The following ABHD6 variants were observed in gnomAD, a reference collection of about 807,000 sequenced individuals.
The protein encoded by ABHD6 is monoacylglycerol lipase ABHD6.
A neutral mutation model predicts 38.8 loss-of-function variants in ABHD6; 33 were observed. That is an observed-to-expected ratio of 0.85 (90% CI 0.64 to 1.14). The LOEUF (loss-of-function observed/expected upper bound fraction) is 1.14, where lower values mean the gene tolerates loss of function less well. Among genes scored for constraint, ABHD6 ranks in the 50% most tolerant of loss-of-function variants. The pLI, the probability that ABHD6 is intolerant of heterozygous loss-of-function variation, is 0.00. For missense variants in ABHD6, 380 were observed against 422.6 expected, an observed-to-expected ratio of 0.90 and a Z score of 0.88; for synonymous variants, 147 against 161.6, an observed-to-expected ratio of 0.91 and a Z score of 0.69.
rs1179353981 is a variant in ABHD6, at chr3:58,266,464, C to CAA, written c.120-715_120-714dup. ...AAAAAAAACCTGACCAAACAAACAA[C>CAA]AAAAAAAAAAACCTTATGTATGCTC... On this transcript the variant is annotated intron_variant, in intron 3 of 9. Coordinates refer to ENST00000478253, the MANE Select transcript of ABHD6 (RefSeq NM_001320126.2). The surrounding 1 kb of genome is among the most constrained non-coding windows in gnomAD (Gnocchi z 4.0). Among the ~76,000 whole-genome samples, 256 of 142,856 alleles carry CAA rather than the reference C, an allele frequency of 1.8e-3. No homozygotes were observed. The highest frequency in any genetic ancestry group is 6.1e-3 in the African/African-American group (240 of 39,138). The allele number at this position is 142,856 out of a possible 152,430, so 93.7% of individuals were successfully genotyped here.
intron 2 of ABHD6, among the ~76,000 whole-genome samples, chr3:58,252,327 C>T (rs748567711): frequency 6.7e-6 from 1 of 150,026 alleles, no homozygotes; most frequent in African/African-American, 2.5e-5. Context: ...AATCCTCCCA[C>T]CTGAGTCTCC....
At chr3:58,247,218 G>A (rs983948566) in intron 1 of ABHD6, among the ~76,000 whole-genome samples, 1 of 152,022 alleles carries the variant, frequency 6.6e-6, no homozygotes, top group Non-Finnish European at 1.5e-5. Context: ...GCCCAGGCTT[G>A]TCTCTAACTC....
At chr3:58,261,436 C>G (rs1238968974) in intron 3 of ABHD6, among the ~76,000 whole-genome samples, 1 of 152,130 alleles carries the variant, frequency 6.6e-6, no homozygotes, top group African/African-American at 2.4e-5. Context: ...TTAAGACCAG[C>G]CTAGGCTGCT....
rs764279902 is a variant in ABHD6, at chr3:58,285,103, G to A, written c.700G>A (p.Asp234Asn). The A allele has an allele frequency of 3.1e-6, 5 of 1,614,042 alleles. No homozygotes were observed. The highest frequency in any genetic ancestry group is 4.2e-6 in the Non-Finnish European group (5 of 1,180,030). ...TCCTTAGATCCTGCAAGGCCTTGTC[G>A]ATGTCCGCATCCCTCATAACAACTT... Reference protein sequence around the residue: ...VPQQILQGLVDVRIPHNNFYR... With the variant: ...VPQQILQGLVNVRIPHNNFYR... Residue 234 changes from aspartate (D) to asparagine (N), a missense_variant, in exon 8 of 10, where the codon GAT (aspartate) becomes AAT (asparagine). Transcript: ENST00000478253. This position sits in a 1 kb window ranked among gnomAD's most constrained non-coding sequence, Gnocchi z 4.9.
Position 58,263,044 on chromosome 3 carries a change from C to T in ABHD6, c.120-4145C>T, listed in dbSNP as rs1255903617. Reference sequence around the variant, plus strand: ...CCAACATGGTGAAACCCCATCTCTACTACAAATACGAAAATTAGCCAGGCG... The same window carrying T: ...CCAACATGGTGAAACCCCATCTCTATTACAAATACGAAAATTAGCCAGGCG... On this transcript the variant is annotated intron_variant, in intron 3 of 9. Transcript: ENST00000478253. This position sits in a 1 kb window ranked among gnomAD's most constrained non-coding sequence, Gnocchi z 4.9. Among the ~76,000 whole-genome samples the T allele has an allele frequency of 1.3e-5, 2 of 152,184 alleles. No homozygotes were observed. The highest frequency in any genetic ancestry group is 4.1e-4 in the South Asian group (2 of 4,830).
At chr3:58,254,506 G>A (rs529175782) in intron 2 of ABHD6, among the ~76,000 whole-genome samples, 2 of 152,300 alleles carry the variant, frequency 1.3e-5, no homozygotes, top group South Asian at 2.1e-4. Flanking sequence ...CTTAGTGGTC[G>A]AGAGGTTATA....
intron 3 of ABHD6, among the ~76,000 whole-genome samples, chr3:58,261,445 C>G (rs2097436888): frequency 1.3e-5 from 2 of 152,234 alleles, no homozygotes; most frequent in Non-Finnish European, 2.9e-5. Context: ...GCCTAGGCTG[C>G]TCACTGCAAC....
chr3:58,278,056 C>A (rs1455930640), intron 7 of ABHD6, among the ~76,000 whole-genome samples: 1 of 152,144 alleles, frequency 6.6e-6, no homozygotes, highest in East Asian at 1.9e-4. Flanking sequence ...GAATATTGGT[C>A]TAAAATTCTC....
intron 7 of ABHD6, among the ~76,000 whole-genome samples, chr3:58,275,172 T>C (rs1575526744): frequency 1.3e-5 from 2 of 151,936 alleles, no homozygotes; most frequent in Admixed American, 1.3e-4. Flanking sequence ...GGACAGCATA[T>C]GCAGAGGTGG....
chr3:58,276,806 A>G (rs949906588), intron 7 of ABHD6, among the ~76,000 whole-genome samples: 3 of 152,076 alleles, frequency 2.0e-5, no homozygotes, highest in African/African-American at 7.2e-5. Flanking sequence ...GTGTAAGGAA[A>G]GGATCCAGTT....
rs763105923 is a variant in ABHD6, at chr3:58,274,835, G to A, written c.681+20G>A. 24 of 1,611,210 alleles carry A rather than the reference G, an allele frequency of 1.5e-5. No homozygotes were observed. Among genetic ancestry groups the A allele is most frequent in the Non-Finnish European group, 2.0e-5 (23 of 1,178,380 alleles). ...CAGCAGGTAACGTGGTTGCAGCAGCGACACAACTACCCTCCCCAGAGGCCC... is the reference window on the plus strand; with the variant it reads ...CAGCAGGTAACGTGGTTGCAGCAGCAACACAACTACCCTCCCCAGAGGCCC... On this transcript the variant is annotated intron_variant, in intron 7 of 9. Transcript: ENST00000478253.
intron 1 of ABHD6, among the ~76,000 whole-genome samples, chr3:58,245,161 T>C (rs1240293485): frequency 6.6e-6 from 1 of 152,138 alleles, no homozygotes; most frequent in East Asian, 1.9e-4. Flanking sequence ...CAACTTCACC[T>C]CCTTTTTTTT....
Position 58,293,589 on chromosome 3 carries a change from G to T in ABHD6, c.838G>T (p.Val280Leu). The T allele has an allele frequency of 1.2e-6, 2 of 1,613,982 alleles. No homozygotes were observed. The highest frequency in any genetic ancestry group is 1.7e-6 in the Non-Finnish European group (2 of 1,179,896). Reference protein sequence around the residue: ...TQIIWGKQDQVLDVSGADMLA... With the variant: ...TQIIWGKQDQLLDVSGADMLA... ...TCCAGCTCCCTTTCTTGCCCAGCAGGTGCTGGATGTGTCTGGGGCAGACAT... is the reference window on the plus strand; with the variant it reads ...TCCAGCTCCCTTTCTTGCCCAGCAGTTGCTGGATGTGTCTGGGGCAGACAT... The change falls in exon 10 of 10, where the codon GTG becomes TTG. Residue 280 changes from valine (V) to leucine (L), a missense_variant and splice_region_variant. Val to Leu is a conservative substitution (Grantham distance 32, BLOSUM62 1). Coordinates refer to ENST00000478253, the MANE Select transcript of ABHD6 (RefSeq NM_001320126.2). The surrounding 1 kb of genome is among the most constrained non-coding windows in gnomAD (Gnocchi z 4.4).
chr3:58,274,883 C>T, intron 7 of ABHD6, 68 bp downstream of exon 7: 1 of 1,531,750 alleles, frequency 6.5e-7, no homozygotes, highest in Non-Finnish European at 8.9e-7. Context: ...CAGCTTCCTG[C>T]ACGTATTCCC....
chr3:58,283,809 G>A (rs1219059348), intron 7 of ABHD6, among the ~76,000 whole-genome samples: 1 of 152,158 alleles, frequency 6.6e-6, no homozygotes, highest in African/African-American at 2.4e-5. Flanking sequence ...GAGGATGGAT[G>A]GACACAAGAT....
intron 7 of ABHD6, among the ~76,000 whole-genome samples, chr3:58,277,792 C>T (rs1328151124): frequency 6.6e-6 from 1 of 152,066 alleles, no homozygotes; most frequent in African/African-American, 2.4e-5. Flanking sequence ...CCATGAATAC[C>T]TAGTTTATTG....
At position 58,256,732 on chromosome 3, in the gene ABHD6, T is replaced by C. The variant is rs554352133; in HGVS notation, c.119+27T>C. ...TAAGCCAGTTTTATCATTGATGTTT[T>C]CAAGAGTATCATAATATTGACATCT... On this transcript the variant is annotated intron_variant, in intron 3 of 9. Coordinates refer to ENST00000478253, the MANE Select transcript of ABHD6 (RefSeq NM_001320126.2). This position sits in a 1 kb window ranked among gnomAD's most constrained non-coding sequence, Gnocchi z 4.3. 1 of 1,519,516 alleles carries C rather than the reference T, an allele frequency of 6.6e-7. No homozygotes were observed. The highest frequency in any genetic ancestry group is 2.3e-5 in the East Asian group (1 of 44,328). The allele number at this position is 1,519,516 out of a possible 1,614,324, so 94.1% of individuals were successfully genotyped here. A position where few individuals can be genotyped will look rare whatever the true frequency, so the allele number is the denominator to read the frequency against.
In ABHD6 at chr3:58,287,190, A is replaced by G. The variant is rs1218135430; in HGVS notation, c.837+1737A>G. On this transcript the variant is annotated intron_variant, in intron 9 of 9. Transcript: ENST00000478253. The surrounding 1 kb of genome is among the most constrained non-coding windows in gnomAD (Gnocchi z 4.7). ...TCCCAGCTACTCTGGAGGGTGAGGCAGGAGGATCACTTGAGTCCAGGACAT... is the reference window on the plus strand; with the variant it reads ...TCCCAGCTACTCTGGAGGGTGAGGCGGGAGGATCACTTGAGTCCAGGACAT... Among the ~76,000 whole-genome samples, 2 of 152,082 alleles carry G rather than the reference A, an allele frequency of 1.3e-5. No individual in the cohort carries two copies. The highest frequency in any genetic ancestry group is 1.3e-4 in the Admixed American group (2 of 15,270).
intron 7 of ABHD6, among the ~76,000 whole-genome samples, chr3:58,276,030 G>A (rs1013958657): frequency 1.3e-5 from 2 of 152,166 alleles, no homozygotes; most frequent in African/African-American, 4.8e-5. Context: ...AGACATTTGG[G>A]TTGGTTCCAA....
Sources: allele counts gnomAD v4.1 joint callset (sites outside exome capture counted in the v4.1 genomes callset), GRCh38; gene constraint gnomAD v4.1.1; non-coding constraint Gnocchi (gnomAD v3.1); transcripts MANE v1.5; gene names NCBI Gene and HGNC (gene_info 2026-07-23, HGNC 2026-07-21).